TSHR: variants seen among roughly 807,000 people sequenced by gnomAD.
TSHR encodes the protein thyroid stimulating hormone receptor, also known as thyrotropin receptor.
A neutral mutation model predicts 64.1 loss-of-function variants in TSHR; 51 were observed. That is an observed-to-expected ratio of 0.80 (90% CI 0.64 to 1.01). The LOEUF is 1.01. Ranked by LOEUF, TSHR falls within the 50% of genes least tolerant of loss-of-function variation. The pLI is 0.00. For missense variants in TSHR, 877 were observed against 942.8 expected (o/e 0.93, Z 0.91); for synonymous variants, 361 against 361.9 (o/e 1.00, Z 0.03).
intron 1 of TSHR, among the ~76,000 whole-genome samples, chr14:81,047,040 CTGTACTAA>C (rs1885199125): frequency 6.6e-6 from 1 of 152,030 alleles, no homozygotes; most frequent in Admixed American, 6.6e-5. Context: ...TCCACCAGAC[CTGTACTAA>C]AAACAAAACA....
At chr14:80,988,627 A>C (rs1039053228) in intron 1 of TSHR, among the ~76,000 whole-genome samples, 1 of 152,180 alleles carries the variant, frequency 6.6e-6, no homozygotes, top group Non-Finnish European at 1.5e-5. Context: ...ACAGTTTCTT[A>C]AGGATCCATG....
chr14:81,105,151 A>C (rs759935438), intron 7 of TSHR: 53 of 985,290 alleles, frequency 5.4e-5, no homozygotes, highest in Non-Finnish European at 6.3e-5. Context: ...AAGATTTGTG[A>C]CTGATTTATC....
chr14:81,034,506 C>G (rs529321532), intron 1 of TSHR, among the ~76,000 whole-genome samples: 1 of 152,312 alleles, frequency 6.6e-6, no homozygotes. Context: ...TCTGTTCCAG[C>G]CAACTGTGAA....
chr14:81,141,477 G>A (rs1417913177), intron 9 of TSHR, among the ~76,000 whole-genome samples: 1 of 152,232 alleles, frequency 6.6e-6, no homozygotes, highest in Non-Finnish European at 1.5e-5. Flanking sequence ...CCACAAGCAT[G>A]CCTGTATGGT....
At chr14:81,066,335 T>C (rs1396000992) in intron 2 of TSHR, among the ~76,000 whole-genome samples, 1 of 152,190 alleles carries the variant, frequency 6.6e-6, no homozygotes, top group Non-Finnish European at 1.5e-5. Context: ...TCATCCATGG[T>C]AAATCCCCAC....
chr14:80,966,449 G>A (rs1386716227), intron 1 of TSHR, among the ~76,000 whole-genome samples: 2 of 151,926 alleles, frequency 1.3e-5, no homozygotes, highest in East Asian at 3.9e-4. Flanking sequence ...ATTGTAAAAT[G>A]TTCTTCCTTC....
At chr14:81,004,599 C>T (rs1889497711) in intron 1 of TSHR, among the ~76,000 whole-genome samples, 1 of 152,108 alleles carries the variant, frequency 6.6e-6, no homozygotes, top group Non-Finnish European at 1.5e-5. Context: ...ATTTATTTAC[C>T]AAAGACAGTT....
Position 81,017,706 on chromosome 14 carries a change from T to C in TSHR, c.171-44442T>C, listed in dbSNP as rs565819796. ...CCTCTGCACCAAAGAGGGAAAAGTATAAGTTAGAAAGGAATTTATAAGCAC... is the reference window on the plus strand; with the variant it reads ...CCTCTGCACCAAAGAGGGAAAAGTACAAGTTAGAAAGGAATTTATAAGCAC... On this transcript the variant is annotated intron_variant, in intron 1 of 9. Transcript: ENST00000298171. Among the ~76,000 whole-genome samples, 65 of 152,220 alleles carry C rather than the reference T, an allele frequency of 4.3e-4. No homozygotes were observed. In the South Asian group the frequency reaches 0.013, roughly 30 times the overall value.
At chr14:81,004,826 A>G (rs1165448312) in intron 1 of TSHR, among the ~76,000 whole-genome samples, 1 of 152,190 alleles carries the variant, frequency 6.6e-6, no homozygotes, top group Non-Finnish European at 1.5e-5. Context: ...AAGGAAAAAC[A>G]TATGTATGAG....
At chr14:81,132,344 T>G (rs1229868813) in intron 8 of TSHR, among the ~76,000 whole-genome samples, 3 of 152,234 alleles carry the variant, frequency 2.0e-5, no homozygotes, top group African/African-American at 7.2e-5. Flanking sequence ...AAATTAATCT[T>G]AAATAATAAT....
At chr14:81,098,621 T>C (rs1309826537) in intron 7 of TSHR, among the ~76,000 whole-genome samples, 1 of 152,182 alleles carries the variant, frequency 6.6e-6, no homozygotes, top group Non-Finnish European at 1.5e-5. Flanking sequence ...AGATTTCAGA[T>C]GACTATCACA....
intron 8 of TSHR, among the ~76,000 whole-genome samples, chr14:81,126,759 G>A (rs748961841): frequency 1.3e-5 from 2 of 152,282 alleles, no homozygotes; most frequent in South Asian, 2.1e-4. Flanking sequence ...CAAGTAGGAC[G>A]ATAATTACTT....
chr14:81,075,164 T>C (rs1566795852), intron 3 of TSHR, among the ~76,000 whole-genome samples: 2 of 152,332 alleles, frequency 1.3e-5, no homozygotes, highest in East Asian at 3.9e-4. Context: ...AGTGTTCAAA[T>C]AAGGCAAAAG....
chr14:80,961,808 G>A (rs1887044935), intron 1 of TSHR, among the ~76,000 whole-genome samples: 2 of 152,202 alleles, frequency 1.3e-5, no homozygotes, highest in African/African-American at 4.8e-5. Context: ...ACTTTGAGGA[G>A]TATTTTATCA....
chr14:81,079,781 A>G (rs1293895605), intron 3 of TSHR, among the ~76,000 whole-genome samples: 3 of 151,796 alleles, frequency 2.0e-5, no homozygotes, highest in Non-Finnish European at 2.9e-5. Context: ...ACTTGAGCCT[A>G]CAAGGTTGAG....
chr14:81,117,479 C>G (rs1890572924), intron 8 of TSHR, among the ~76,000 whole-genome samples: 1 of 125,282 alleles, frequency 8.0e-6, no homozygotes, highest in African/African-American at 3.5e-5. Flanking sequence ...CAAGACTAAA[C>G]CAGGAAGAAG....
chr14:81,080,109 T>C (rs1887795513), intron 3 of TSHR, among the ~76,000 whole-genome samples: 1 of 152,024 alleles, frequency 6.6e-6, no homozygotes, highest in Non-Finnish European at 1.5e-5. Context: ...TGTGCCACCA[T>C]GCCCAGCTAA....
At chr14:81,108,482 G>C (rs1595127966) in intron 8 of TSHR, 30 bp downstream of exon 8, 5 of 806,436 alleles carry the variant, frequency 6.2e-6, no homozygotes, top group Non-Finnish European at 9.5e-6. Context: ...GAATATTTTA[G>C]TCTTTTTTTT....
chr14:81,048,259 T>C (rs1460898412), intron 1 of TSHR, among the ~76,000 whole-genome samples: 2 of 152,286 alleles, frequency 1.3e-5, no homozygotes, highest in East Asian at 3.9e-4. Flanking sequence ...AATTCAGTTT[T>C]TTCATGGGGA....
Sources: allele counts gnomAD v4.1 joint callset (sites outside exome capture counted in the v4.1 genomes callset), GRCh38; gene constraint gnomAD v4.1.1; transcripts MANE v1.5; gene names NCBI Gene and HGNC (gene_info 2026-07-23, HGNC 2026-07-21).